EFHC2: variants seen among roughly 807,000 people sequenced by gnomAD.
EFHC2 encodes EF-hand domain-containing family member C2.
EFHC2 carries 18 observed loss-of-function variants against 52.7 expected under a neutral mutation model. The observed-to-expected ratio is 0.34, with a 90% CI of 0.24 to 0.51. EFHC2 has a LOEUF of 0.51. EFHC2 is among the 20% of genes least tolerant of loss of function. The pLI is 0.97. For synonymous variants in EFHC2, 203 were observed against 204.1 expected (o/e 0.99, Z 0.04); for missense variants, 513 against 562.5 (o/e 0.91, Z 0.89).
intron 7 of EFHC2, among the ~76,000 whole-genome samples, chrX:44,242,836 T>C (rs2037370550): frequency 9.0e-6 from 1 of 111,364 alleles, no homozygotes; most frequent in South Asian, 3.8e-4. Flanking sequence ...AGTACTTCCC[T>C]ATGTAGTTCA....
chrX:44,149,545 T>C (rs1437249760), intron 14 of EFHC2, among the ~76,000 whole-genome samples: 1 of 111,939 alleles, frequency 8.9e-6, no homozygotes, highest in Non-Finnish European at 1.9e-5. Context: ...AGACAGGGTA[T>C]CACTTTGTTG....
chrX:44,208,981 A>T (rs1401662959), intron 11 of EFHC2, among the ~76,000 whole-genome samples: 1 of 106,454 alleles, frequency 9.4e-6, no homozygotes, highest in East Asian at 3.1e-4. Flanking sequence ...CCACTGGGGA[A>T]AGGACAGACA....
chrX:44,302,492 A>G (rs2037875697), intron 2 of EFHC2, among the ~76,000 whole-genome samples: 1 of 112,600 alleles, frequency 8.9e-6, no homozygotes, highest in Admixed American at 9.4e-5. Flanking sequence ...GAATTTCAAA[A>G]GAAGATTAAA....
At chrX:44,319,033 C>G (rs775592501) in intron 1 of EFHC2, among the ~76,000 whole-genome samples, 47 of 101,536 alleles carry the variant, frequency 4.6e-4, no homozygotes, top group African/African-American at 1.6e-3. Flanking sequence ...GACAGAGTCT[C>G]ACTCTTGTCG....
intron 2 of EFHC2, chrX:44,285,082 C>T (rs1202586351): frequency 4.5e-5 from 5 of 111,740 alleles, no homozygotes; most frequent in African/African-American, 1.3e-4. Flanking sequence ...TCAGCAGTAC[C>T]AAGTCTTCTT....
chrX:44,256,407 G>GA (rs1283545587), intron 4 of EFHC2, among the ~76,000 whole-genome samples: 1 of 111,212 alleles, frequency 9.0e-6, no homozygotes, highest in Non-Finnish European at 1.9e-5. Flanking sequence ...GACTAATAAA[G>GA]AAAAAAAGTG....
chrX:44,215,142 C>T (rs190431623), intron 11 of EFHC2, among the ~76,000 whole-genome samples: 264 of 111,329 alleles, frequency 2.4e-3, no homozygotes, highest in African/African-American at 8.3e-3. Flanking sequence ...TCTTGCTTCC[C>T]GTTCACCTTC....
chrX:44,173,825 G>C (rs1172456837), intron 13 of EFHC2, among the ~76,000 whole-genome samples: 1 of 112,094 alleles, frequency 8.9e-6, no homozygotes, highest in Middle Eastern at 4.2e-3. Context: ...CTGAGAGAAT[G>C]AGAGGATGAT....
chrX:44,282,573 A>AC (rs1433410194), intron 2 of EFHC2, among the ~76,000 whole-genome samples: 2 of 69,956 alleles, frequency 2.9e-5, no homozygotes, highest in Non-Finnish European at 5.3e-5. Flanking sequence ...CCGAGATCGC[A>AC]CTACTGCAAT....
chrX:44,187,769 G>A (rs2036888129), intron 11 of EFHC2, among the ~76,000 whole-genome samples: 1 of 110,017 alleles, frequency 9.1e-6, no homozygotes, highest in Admixed American at 9.8e-5. Context: ...CAGCCTGGGT[G>A]ACAGAGTGAG....
At chrX:44,239,624 A>C (rs2037345585) in intron 8 of EFHC2, among the ~76,000 whole-genome samples, 1 of 112,276 alleles carries the variant, frequency 8.9e-6, no homozygotes, top group African/African-American at 3.2e-5. Flanking sequence ...GGCCTCTCTG[A>C]GCCTCAGTTT....
intron 11 of EFHC2, among the ~76,000 whole-genome samples, chrX:44,200,993 G>A (rs1014489256): frequency 8.9e-6 from 1 of 111,835 alleles, no homozygotes; most frequent in African/African-American, 3.2e-5. Flanking sequence ...AAAAATACAT[G>A]CATTGCAGAA....
intron 11 of EFHC2, among the ~76,000 whole-genome samples, chrX:44,212,994 T>C (rs61419118): frequency 0.48 from 51,483 of 106,787 alleles, 9,580 homozygotes; most frequent in African/African-American, 0.63. Flanking sequence ...GGATTACAGG[T>C]GTGAGCCACT....
chrX:44,319,308 G>A (rs1354862931), intron 1 of EFHC2, among the ~76,000 whole-genome samples: 1 of 111,154 alleles, frequency 9.0e-6, no homozygotes, highest in Non-Finnish European at 1.9e-5. Flanking sequence ...GGGCACAAAA[G>A]ACTTTTAAAG....
chrX:44,188,099 T>C (rs2036891264), intron 11 of EFHC2, among the ~76,000 whole-genome samples: 1 of 107,466 alleles, frequency 9.3e-6, no homozygotes, highest in African/African-American at 3.4e-5. Context: ...GCCTCCCGAG[T>C]ATCTGGGGAC....
chrX:44,229,627 T>C, intron 11 of EFHC2, 22 bp downstream of exon 11: 2 of 1,209,615 alleles, frequency 1.7e-6, no homozygotes, highest in Non-Finnish European at 1.1e-6. Flanking sequence ...AAACAGGTGA[T>C]TGTTAGCAGA....
intron 13 of EFHC2, among the ~76,000 whole-genome samples, chrX:44,167,718 T>C (rs1029106085): frequency 1.8e-5 from 2 of 111,906 alleles, no homozygotes; most frequent in East Asian, 2.8e-4. Context: ...AGTTTTCCTT[T>C]TCAGTTCTGT....
At chrX:44,291,006 CT>C (rs1442731985) in intron 2 of EFHC2, among the ~76,000 whole-genome samples, 1 of 111,984 alleles carries the variant, frequency 8.9e-6, no homozygotes, top group East Asian at 2.8e-4. Flanking sequence ...TGGGTATATT[CT>C]TTCAGTATCA....
chrX:44,308,430 GA>G (rs1366832496), intron 2 of EFHC2, among the ~76,000 whole-genome samples: 11 of 107,021 alleles, frequency 1.0e-4, no homozygotes, highest in South Asian at 4.1e-4. Context: ...AAAAAAAAAA[GA>G]AAAAAAAACT....
Sources: gnomAD v4.1 joint callset for allele counts (sites outside exome capture counted in the v4.1 genomes callset) on GRCh38, gnomAD v4.1.1 for gene constraint, MANE v1.5 for transcripts, NCBI Gene and HGNC (gene_info 2026-07-23, HGNC 2026-07-21) for gene names.